The following UNC13C variants were observed in gnomAD, a reference collection of about 807,000 sequenced individuals.
UNC13C encodes the protein unc-13 homolog C.
UNC13C carries 174 observed loss-of-function variants against 245.4 expected under a neutral mutation model. That is an observed-to-expected ratio of 0.71 (90% CI 0.63 to 0.80). The LOEUF is 0.80. UNC13C is among the 30% of genes least tolerant of loss of function. The probability of loss-of-function intolerance (pLI) is 0.00; values close to 1 mark genes in which losing one functional copy is unlikely to be tolerated. For synonymous variants in UNC13C, 992 were observed against 895.1 expected (o/e 1.11, Z -1.93); for missense variants, 2,829 against 2,602.9 (o/e 1.09, Z -1.89).
chr15:54,238,528 G>T (rs968236595), intron 7 of UNC13C, among the ~76,000 whole-genome samples: 2 of 152,310 alleles, frequency 1.3e-5, no homozygotes, highest in Middle Eastern at 3.4e-3. Context: ...ACAAAGAGAG[G>T]TGACAAGGAA....
intron 10 of UNC13C, among the ~76,000 whole-genome samples, chr15:54,293,674 A>C (rs890706255): frequency 6.6e-6 from 1 of 152,020 alleles, no homozygotes; most frequent in South Asian, 2.1e-4. Context: ...AGGAAATAGG[A>C]TGGAATGGGA....
At chr15:54,057,637 C>T (rs1174112503) in intron 2 of UNC13C, among the ~76,000 whole-genome samples, 1 of 152,320 alleles carries the variant, frequency 6.6e-6, no homozygotes, top group South Asian at 2.1e-4. Flanking sequence ...GAGCTCTCCA[C>T]CCCAAATCAA....
At chr15:54,624,219 A>G (rs1400361088) in intron 32 of UNC13C, among the ~76,000 whole-genome samples, 1 of 152,202 alleles carries the variant, frequency 6.6e-6, no homozygotes, top group Non-Finnish European at 1.5e-5. Context: ...GGAGTGTATG[A>G]TAAAGTCACA....
Position 54,572,574 on chromosome 15 carries a change from C to G in UNC13C, c.6106+4627C>G, listed in dbSNP as rs537393450. On this transcript the variant is annotated intron_variant, in intron 30 of 32. Transcript: ENST00000260323. ...CTGGGTAGCTGGGATTATAGGTGCA[C>G]GCCACCATGCCCGGCATTTTTGTAT... is the stretch of plus-strand genomic sequence containing the variant. 5.7e-4 allele frequency among the ~76,000 whole-genome samples: 86 copies of G among 151,748 alleles called. 1 individual carries two copies. The South Asian group carries it at 0.016, about 29-fold the overall frequency.
chr15:54,169,585 C>T (rs137995235), intron 4 of UNC13C, among the ~76,000 whole-genome samples: 1 of 152,150 alleles, frequency 6.6e-6, no homozygotes, highest in East Asian at 1.9e-4. Context: ...GGCTGCCTCT[C>T]CAGCCTCATT....
At chr15:54,141,640 A>G (rs1458019348) in intron 2 of UNC13C, among the ~76,000 whole-genome samples, 1 of 152,096 alleles carries the variant, frequency 6.6e-6, no homozygotes, top group Non-Finnish European at 1.5e-5. Context: ...TAGATTAGTC[A>G]TATCATTATT....
At chr15:54,448,023 C>T (rs1223648194) in intron 19 of UNC13C, among the ~76,000 whole-genome samples, 1 of 152,128 alleles carries the variant, frequency 6.6e-6, no homozygotes, top group Non-Finnish European at 1.5e-5. Flanking sequence ...GCCTTCATTT[C>T]GTTATGTACC....
chr15:54,332,198 A>G, intron 15 of UNC13C, 87 bp downstream of exon 15: 1 of 908,198 alleles, frequency 1.1e-6, no homozygotes, highest in Non-Finnish European at 1.7e-6. Flanking sequence ...CCATCATGTA[A>G]TAGAAAAATA....
At chr15:54,020,932 G>A (rs992353315) in intron 2 of UNC13C, among the ~76,000 whole-genome samples, 1 of 151,928 alleles carries the variant, frequency 6.6e-6, no homozygotes, top group Non-Finnish European at 1.5e-5. Context: ...TTTGCAAAAT[G>A]TTCCATAAAA....
intron 19 of UNC13C, 111 bp downstream of exon 19, chr15:54,415,178 A>G: frequency 1.3e-6 from 1 of 776,446 alleles, no homozygotes. Context: ...GATTACTGTG[A>G]TCAGTTTAGT....
chr15:53,848,132 T>C, the UNC13C span, among the ~76,000 whole-genome samples: 8 of 152,174 alleles, frequency 5.3e-5, no homozygotes, highest in African/African-American at 1.9e-4. Flanking sequence ...ACTAGTGGTT[T>C]ATAATTTAAT....
At chr15:53,949,612 A>G in the UNC13C span, among the ~76,000 whole-genome samples, 1 of 152,140 alleles carries the variant, frequency 6.6e-6, no homozygotes, top group South Asian at 2.1e-4. Context: ...CCAGGTTTGG[A>G]GAACTATGAG....
chr15:53,927,091 C>G, the UNC13C span, among the ~76,000 whole-genome samples: 23 of 152,214 alleles, frequency 1.5e-4, no homozygotes, highest in Non-Finnish European at 3.1e-4. Context: ...AATGTTAACT[C>G]ATTTCATCCT....
intron 2 of UNC13C, among the ~76,000 whole-genome samples, chr15:54,025,399 A>G (rs1896068524): frequency 6.6e-6 from 1 of 152,224 alleles, no homozygotes; most frequent in Non-Finnish European, 1.5e-5. Context: ...CTTATGTGCC[A>G]GATACTATTC....
chr15:54,075,735 T>C (rs1239762475), intron 2 of UNC13C, among the ~76,000 whole-genome samples: 2 of 152,130 alleles, frequency 1.3e-5, no homozygotes, highest in African/African-American at 2.4e-5. Context: ...TTGCAACTTA[T>C]TGAAAATAAC....
At chr15:54,428,948 C>T (rs147800126) in intron 19 of UNC13C, among the ~76,000 whole-genome samples, 39 of 151,812 alleles carry the variant, frequency 2.6e-4, no homozygotes, top group African/African-American at 9.4e-4. Flanking sequence ...CTCTCTTCCC[C>T]CCAGCCCCCA....
intron 2 of UNC13C, among the ~76,000 whole-genome samples, chr15:54,018,270 G>C (rs1895748793): frequency 6.6e-6 from 1 of 152,180 alleles, no homozygotes; most frequent in Non-Finnish European, 1.5e-5. Flanking sequence ...TGGCTACGTA[G>C]TTATCACGAG....
chr15:54,444,817 T>C (rs890400656), intron 19 of UNC13C, among the ~76,000 whole-genome samples: 4 of 151,776 alleles, frequency 2.6e-5, no homozygotes, highest in African/African-American at 9.7e-5. Flanking sequence ...CTTTTATATA[T>C]ATGTATTTTT....
chr15:54,044,173 A>C (rs1462434921), intron 2 of UNC13C, among the ~76,000 whole-genome samples: 1 of 152,172 alleles, frequency 6.6e-6, no homozygotes, highest in South Asian at 2.1e-4. Flanking sequence ...GAATAATGTA[A>C]GATGTAGCCT....
Sources: allele counts gnomAD v4.1 joint callset (sites outside exome capture counted in the v4.1 genomes callset), GRCh38; gene constraint gnomAD v4.1.1; transcripts MANE v1.5; gene names NCBI Gene and HGNC (gene_info 2026-07-23, HGNC 2026-07-21).